QTRT2: variants seen among roughly 807,000 people sequenced by gnomAD.
The protein encoded by QTRT2 is queuine tRNA-ribosyltransferase domain containing 1.
In QTRT2, 32 loss-of-function variants were observed where a neutral mutation model predicts 44.8. That is an observed-to-expected ratio of 0.71 (90% confidence interval 0.54 to 0.96). The LOEUF (loss-of-function observed/expected upper bound fraction) is 0.96, where lower values mean the gene tolerates loss of function less well. Among genes scored for constraint, QTRT2 ranks in the 40% least tolerant of loss-of-function variants. The probability of loss-of-function intolerance (pLI) is 0.00; values close to 1 mark genes in which losing one functional copy is unlikely to be tolerated. For missense variants in QTRT2, 461 were observed against 503.1 expected, an observed-to-expected ratio of 0.92 and a Z score of 0.80; for synonymous variants, 182 against 187.4, an observed-to-expected ratio of 0.97 and a Z score of 0.24.
At chr3:114,056,897 C>T (rs1169289241) in intron 1 of QTRT2, 33 bp downstream of exon 1, 1 of 1,534,508 alleles carries the variant, frequency 6.5e-7, no homozygotes, top group Non-Finnish European at 8.7e-7. Context: ...GGTGTGGGAG[C>T]TGCTAGAGAT....
rs572219322 is a variant in QTRT2, at chr3:114,076,321, C to T, written c.547-422C>T. 6.2e-4 allele frequency among the ~76,000 whole-genome samples: 95 copies of T among 152,274 alleles called. 2 individuals carry two copies. In the South Asian group the frequency reaches 0.019, roughly 31 times the overall value. ...AGATGGGACTACAGGCACAAGCCAC[C>T]GTGCCCAGCTAATTTTGTTTTTTTA... On this transcript the variant is annotated intron_variant, in intron 6 of 9. Coordinates refer to ENST00000281273, the MANE Select transcript of QTRT2 (RefSeq NM_024638.4).
chr3:114,068,992 T>C (rs1369442575), intron 5 of QTRT2, among the ~76,000 whole-genome samples: 1 of 151,406 alleles, frequency 6.6e-6, no homozygotes, highest in East Asian at 1.9e-4. Context: ...GAGGTGGCAG[T>C]GAGCCAAAGT....
intron 6 of QTRT2, among the ~76,000 whole-genome samples, chr3:114,075,614 T>G (rs1348623400): frequency 6.6e-6 from 1 of 151,456 alleles, no homozygotes; most frequent in Non-Finnish European, 1.5e-5. Context: ...GCTCAAGCGA[T>G]TCTCCCACCT....
In QTRT2 at chr3:114,056,748, A is replaced by G. The variant is rs1577497447; in HGVS notation, c.-246A>G. 1 of 1,421,388 alleles carries G rather than the reference A, an allele frequency of 7.0e-7. No individual in the cohort carries two copies. The highest frequency in any genetic ancestry group is 2.5e-5 in the East Asian group (1 of 40,206). 88.0% of individuals were successfully genotyped at this position (1,421,388 alleles called of 1,614,324 possible). ...CCCAGTGATGACGCAGTACTCCCTG[A>G]TTGGCTCTGCACTGGAGGCAGTGAT... On this transcript the variant is annotated 5_prime_UTR_variant, in exon 1 of 10. Transcript: ENST00000281273.
intron 7 of QTRT2, chr3:114,077,894 G>A (rs989321879): frequency 6.6e-6 from 1 of 151,940 alleles, no homozygotes; most frequent in Non-Finnish European, 1.5e-5. Flanking sequence ...TGTATTTTTA[G>A]TGGAGACGGG....
chr3:114,059,293 T>C (rs1298556251), intron 2 of QTRT2, among the ~76,000 whole-genome samples: 1 of 152,176 alleles, frequency 6.6e-6, no homozygotes, highest in Admixed American at 6.5e-5. Flanking sequence ...ACCAGAAATA[T>C]TAGAGCAGAC....
chr3:114,057,987 C>T (rs2076827589), intron 2 of QTRT2, among the ~76,000 whole-genome samples: 1 of 152,174 alleles, frequency 6.6e-6, no homozygotes, highest in Non-Finnish European at 1.5e-5. Context: ...TAGAGTACAG[C>T]GCTGAAAACT....
intron 8 of QTRT2, 155 bp from the exon 9 acceptor site, chr3:114,082,522 C>T (rs2077180544): frequency 4.3e-6 from 2 of 462,632 alleles, no homozygotes; most frequent in Non-Finnish European, 8.0e-6. Context: ...GAGCATATTG[C>T]TGTTTTCCTT....
In QTRT2 at chr3:114,076,768, G is replaced by A; in HGVS notation, c.572G>A (p.Gly191Glu). Residue 191 changes from glycine (G) to glutamate (E), a missense_variant, in exon 7 of 10, where the codon GGA (glycine) becomes GAA (glutamate). Coordinates refer to ENST00000281273, the MANE Select transcript of QTRT2 (RefSeq NM_024638.4). ...GTTCTTCAGAAGAGTGTGATCATTGGAGTGATTGAAGGTGGAGATGTGATG... is the reference window on the plus strand; with the variant it reads ...GTTCTTCAGAAGAGTGTGATCATTGAAGTGATTGAAGGTGGAGATGTGATG... ...SEVLQKSVII[G>E]VIEGGDVMEE... 1 of 1,614,206 alleles carries A rather than the reference G, an allele frequency of 6.2e-7. No homozygotes were observed. The highest frequency in any genetic ancestry group is 8.5e-7 in the Non-Finnish European group (1 of 1,180,026).
intron 8 of QTRT2, among the ~76,000 whole-genome samples, chr3:114,081,119 A>G (rs1158702948): frequency 6.6e-6 from 1 of 152,240 alleles, no homozygotes; most frequent in Non-Finnish European, 1.5e-5. Flanking sequence ...AAGCTCTAAA[A>G]AGAACCTGAT....
At chr3:114,085,634 T>A in intron 9 of QTRT2, 39 bp from the exon 10 acceptor site, 1 of 1,542,616 alleles carries the variant, frequency 6.5e-7, no homozygotes, top group Non-Finnish European at 9.0e-7. Context: ...TTTCTTGTAT[T>A]CCGTACTTTC....
chr3:114,073,120 T>C (rs570072754), intron 6 of QTRT2, among the ~76,000 whole-genome samples: 6 of 152,286 alleles, frequency 3.9e-5, no homozygotes, highest in Non-Finnish European at 7.4e-5. Flanking sequence ...GAATTCACAG[T>C]ATATGTAACA....
intron 9 of QTRT2, among the ~76,000 whole-genome samples, chr3:114,083,317 T>C (rs55932321): frequency 0.19 from 1,037 of 5,476 alleles, 11 homozygotes; most frequent in Admixed American, 0.21. Flanking sequence ...GCTGCTGCTG[T>C]TGTTGTTGTT....
At chr3:114,066,062 T>A (rs1430156256) in intron 3 of QTRT2, among the ~76,000 whole-genome samples, 166 bp from the exon 4 acceptor site, 1 of 152,226 alleles carries the variant, frequency 6.6e-6, no homozygotes, top group Admixed American at 6.5e-5. Context: ...TCGTTCTGGC[T>A]AATGAACCTA....
chr3:114,065,160 ATT>A (rs34428541), intron 2 of QTRT2, 75 bp from the exon 3 acceptor site: 127 of 785,012 alleles, frequency 1.6e-4, no homozygotes, highest in Non-Finnish European at 1.9e-4. Context: ...TTTCCTGAAG[ATT>A]TTTTTTTTTT....
At chr3:114,059,502 G>A (rs546653160) in intron 2 of QTRT2, among the ~76,000 whole-genome samples, 1 of 152,200 alleles carries the variant, frequency 6.6e-6, no homozygotes, top group South Asian at 2.1e-4. Flanking sequence ...ACAATTTATT[G>A]TATTTGAGCC....
At chr3:114,078,431 A>G (rs1486427530) in intron 7 of QTRT2, 1 of 149,486 alleles carries the variant, frequency 6.7e-6, no homozygotes, top group South Asian at 2.1e-4. Context: ...CTTATTTAAT[A>G]TTACATGAGC....
At chr3:114,063,865 T>C (rs1192996678) in intron 2 of QTRT2, among the ~76,000 whole-genome samples, 1 of 152,208 alleles carries the variant, frequency 6.6e-6, no homozygotes, top group Non-Finnish European at 1.5e-5. Context: ...CTTATTTATT[T>C]GGTGACATTT....
At chr3:114,072,521 A>G (rs535160790) in intron 6 of QTRT2, among the ~76,000 whole-genome samples, 60 of 152,234 alleles carry the variant, frequency 3.9e-4, no homozygotes, top group African/African-American at 1.4e-3. Context: ...AGCCCCAATC[A>G]TATTGTATTT....
Sources: gnomAD v4.1 joint callset for allele counts (sites outside exome capture counted in the v4.1 genomes callset) on GRCh38, gnomAD v4.1.1 for gene constraint, MANE v1.5 for transcripts, NCBI Gene and HGNC (gene_info 2026-07-23, HGNC 2026-07-21) for gene names.